AHCTF1: variants seen among roughly 807,000 people sequenced by gnomAD.
AHCTF1 encodes the protein AT-hook containing transcription factor 1.
A neutral mutation model predicts 248.4 loss-of-function variants in AHCTF1; 24 were observed. The observed-to-expected ratio is 0.10, with a 90% confidence interval of 0.07 to 0.14. The LOEUF (loss-of-function observed/expected upper bound fraction) is 0.14. AHCTF1 is among the 10% of genes least tolerant of loss of function. The probability of loss-of-function intolerance (pLI) is 1.00; values close to 1 mark genes in which losing one functional copy is unlikely to be tolerated. For synonymous variants in AHCTF1, 786 were observed against 929.8 expected (o/e 0.85, Z 2.81); for missense variants, 2,206 against 2,636.2 (o/e 0.84, Z 3.57).
In AHCTF1 at chr1:246,898,208, T is replaced by C; in HGVS notation, c.1623A>G (p.Gln541=). ...FVDVQPSSLS[Q]EEQLEAILSA... ...ACAATAGAGTTAAAAATCATCTCAC[T>C]TGGCTTAAACTGGAAGGCTGAACAT... The change falls in exon 12 of 36, where the codon CAA becomes CAG. Residue 541 remains glutamine (Q), a splice_region_variant and synonymous_variant. Transcript: ENST00000648844. The C allele has an allele frequency of 6.2e-7, 1 of 1,611,964 alleles. No homozygotes were observed. Among genetic ancestry groups the C allele is most frequent in the Non-Finnish European group, 8.5e-7 (1 of 1,179,902 alleles).
Position 246,863,831 on chromosome 1 carries a change from G to C in AHCTF1, c.3540+93C>G. The stretch of plus-strand genomic sequence containing the variant: ...AAGCATTTCCCAGCACTCCCCAAGC[G>C]TATCAGTTATAAATTGCTTATTTTT... On this transcript the variant is annotated intron_variant, in intron 27 of 35. Coordinates refer to ENST00000648844, the MANE Select transcript of AHCTF1 (RefSeq NM_001323342.2). 2.4e-6 allele frequency: 3 copies of C among 1,249,704 alleles called. No homozygotes were observed. The Admixed American group carries it at 6.1e-5, about 25-fold the overall frequency. The allele number at this position is 1,249,704 out of a possible 1,614,324, so 77.4% of individuals were successfully genotyped here.
At chr1:246,926,929 CT>C (rs1452031185) in intron 1 of AHCTF1, among the ~76,000 whole-genome samples, 2 of 152,254 alleles carry the variant, frequency 1.3e-5, no homozygotes, top group East Asian at 3.9e-4. Context: ...AATCCCAGCA[CT>C]TTGGGAGGCT....
intron 1 of AHCTF1, chr1:246,931,130 G>A: frequency 6.5e-7 from 1 of 1,549,586 alleles, no homozygotes; most frequent in Non-Finnish European, 8.7e-7. Flanking sequence ...ACTACTCACT[G>A]TGGCCAGGCC....
chr1:246,922,949 C>G (rs1258387282), intron 1 of AHCTF1, among the ~76,000 whole-genome samples: 4 of 134,298 alleles, frequency 3.0e-5, no homozygotes, highest in Non-Finnish European at 4.6e-5. Flanking sequence ...CACCACTGCA[C>G]TCTAGCCTGG....
chr1:246,887,115 A>G, intron 20 of AHCTF1, 96 bp downstream of exon 20: 1 of 1,358,940 alleles, frequency 7.4e-7, no homozygotes, highest in African/African-American at 1.5e-5. Flanking sequence ...TTTTTAGTAG[A>G]CTGTATCATA....
intron 26 of AHCTF1, among the ~76,000 whole-genome samples, chr1:246,866,796 G>C (rs1024937806): frequency 1.1e-4 from 16 of 151,796 alleles, no homozygotes; most frequent in African/African-American, 3.6e-4. Flanking sequence ...ATTTCATCTT[G>C]GATACAAAAC....
At chr1:246,921,552 T>C (rs1340290834) in intron 1 of AHCTF1, among the ~76,000 whole-genome samples, 1 of 152,164 alleles carries the variant, frequency 6.6e-6, no homozygotes, top group Non-Finnish European at 1.5e-5. Context: ...ATCTAAGATA[T>C]GCCTAATCAG....
chr1:246,918,432 T>C, intron 1 of AHCTF1, 55 bp from the exon 2 acceptor site: 1 of 1,483,356 alleles, frequency 6.7e-7, no homozygotes, highest in Non-Finnish European at 9.1e-7. Flanking sequence ...GACAATATAC[T>C]TGATTATGTC....
chr1:246,931,507 CGCCGCG>C, intron 1 of AHCTF1, 65 bp downstream of exon 1: 1 of 405,750 alleles, frequency 2.5e-6, no homozygotes, highest in Non-Finnish European at 3.2e-6. Context: ...CCGCCGCCGC[CGCCGCG>C]GGTCCAGGCC....
chr1:246,861,662 A>G (rs1661561518), intron 28 of AHCTF1, among the ~76,000 whole-genome samples: 1 of 152,204 alleles, frequency 6.6e-6, no homozygotes, highest in Non-Finnish European at 1.5e-5. Flanking sequence ...AAGAAGGACT[A>G]AAAATTAGGA....
chr1:246,895,427 G>A (rs148267610), intron 13 of AHCTF1, among the ~76,000 whole-genome samples: 2 of 152,310 alleles, frequency 1.3e-5, no homozygotes, highest in East Asian at 3.9e-4. Context: ...GTGTGTATGT[G>A]TGTGAAGAGT....
chr1:246,902,822 A>G, intron 7 of AHCTF1, 147 bp from the exon 8 acceptor site: 1 of 671,766 alleles, frequency 1.5e-6, no homozygotes, highest in Non-Finnish European at 2.2e-6. Context: ...AAAAGGCTCT[A>G]AAATTTTACA....
At chr1:246,905,084 TA>T (rs1453389434) in intron 6 of AHCTF1, among the ~76,000 whole-genome samples, 1 of 152,230 alleles carries the variant, frequency 6.6e-6, no homozygotes, top group Non-Finnish European at 1.5e-5. Context: ...AACAACCATT[TA>T]ACTTTTAAAA....
intron 24 of AHCTF1, among the ~76,000 whole-genome samples, chr1:246,871,953 A>G (rs946845801): frequency 1.3e-5 from 2 of 150,782 alleles, no homozygotes; most frequent in Admixed American, 1.3e-4. Flanking sequence ...CAGACATCCT[A>G]CTCCACAAGT....
At chr1:246,861,389 T>C (rs41304040) in intron 28 of AHCTF1, 94 bp from the exon 29 acceptor site, 129,545 of 1,173,650 alleles carry the variant, frequency 0.11, 11,134 homozygotes, top group African/African-American at 0.43. Context: ...CATACTTTCT[T>C]TGTTGTTTTT....
intron 4 of AHCTF1, among the ~76,000 whole-genome samples, chr1:246,909,584 C>T (rs1335408241): frequency 6.6e-6 from 1 of 151,934 alleles, no homozygotes; most frequent in South Asian, 2.1e-4. Context: ...TTCAAGTAAC[C>T]CTTATTTGAC....
chr1:246,870,330 G>C (rs1272533503), intron 24 of AHCTF1, among the ~76,000 whole-genome samples: 1 of 152,138 alleles, frequency 6.6e-6, no homozygotes, highest in African/African-American at 2.4e-5. Flanking sequence ...AGCTGAGGCA[G>C]GAGGATCACT....
intron 29 of AHCTF1, among the ~76,000 whole-genome samples, chr1:246,859,534 C>T (rs918433860): frequency 7.9e-5 from 12 of 152,170 alleles, no homozygotes; most frequent in African/African-American, 2.7e-4. Context: ...GGAATACATA[C>T]TTCAGGAACT....
Position 246,850,112 on chromosome 1 carries a change from A to C in AHCTF1, c.5894T>G (p.Phe1965Cys). ...TTTTCTAGGTATGGCAGACATATCA[A>C]ATTCTGCTTGAACAGTCAACTGAGA... Reference protein sequence around the residue: ...ESSQLTVQAEFDMSAIPRKRG... With the variant: ...ESSQLTVQAECDMSAIPRKRG... The change falls in exon 33 of 36, where the codon TTT becomes TGT. Residue 1965 changes from phenylalanine to cysteine, a missense_variant. Coordinates refer to ENST00000648844, the MANE Select transcript of AHCTF1 (RefSeq NM_001323342.2). 9 of 1,613,900 alleles carry C rather than the reference A, an allele frequency of 5.6e-6. No homozygotes were observed. Among genetic ancestry groups the C allele is most frequent in the Non-Finnish European group, 7.6e-6 (9 of 1,179,868 alleles).
Sources: allele counts gnomAD v4.1 joint callset (sites outside exome capture counted in the v4.1 genomes callset), GRCh38; gene constraint gnomAD v4.1.1; transcripts MANE v1.5; gene names NCBI Gene and HGNC (gene_info 2026-07-23, HGNC 2026-07-21).